ELAPOR2: variants seen among roughly 807,000 people sequenced by gnomAD.
ELAPOR2 encodes endosome-lysosome associated apoptosis and autophagy regulator family member 2, also known as endosome/lysosome-associated apoptosis and autophagy regulator family member 2.
A neutral mutation model predicts 120.7 loss-of-function variants in ELAPOR2; 89 were observed. The observed-to-expected ratio is 0.74, with a 90% CI of 0.62 to 0.88. The LOEUF (loss-of-function observed/expected upper bound fraction) is 0.88, where lower values mean the gene tolerates loss of function less well. ELAPOR2 is among the 40% of genes least tolerant of loss of function. ELAPOR2 has a pLI of 0.00. For synonymous variants in ELAPOR2, 444 were observed against 444.9 expected (o/e 1.00, Z 0.03); for missense variants, 1,134 against 1,251.6 (o/e 0.91, Z 1.42).
intron 1 of ELAPOR2, among the ~76,000 whole-genome samples, chr7:86,990,607 T>C (rs1301061189): frequency 6.6e-6 from 1 of 152,152 alleles, no homozygotes; most frequent in Non-Finnish European, 1.5e-5. Flanking sequence ...AAATGATCCT[T>C]GTAAATCTTA....
Position 86,947,812 on chromosome 7 carries a change from C to T in ELAPOR2, c.421G>A (p.Glu141Lys), listed in dbSNP as rs1791069937. The part of the protein sequence containing the change: ...GSGIKFDEWD[E>K]LPAGFSNIAT... Reference sequence around the variant, plus strand: ...ATGTTAGAAAATCCTGCCGGCAATTCATCCCATTCATCAAATTTGATGCCA... The same window carrying T: ...ATGTTAGAAAATCCTGCCGGCAATTTATCCCATTCATCAAATTTGATGCCA... The change falls in exon 3 of 22, where the codon GAA (glutamate) becomes AAA (lysine). Residue 141 changes from glutamate (E) to lysine (K), a missense_variant. Physicochemically the swap from Glu to Lys is moderately conservative, Grantham distance 56. Around this residue, in one of 3 missense-constraint regions of ELAPOR2, gnomAD observed 280 missense variants for 331.5 expected, o/e 0.84. Transcript: ENST00000450689. 1 of 1,551,832 alleles carries T rather than the reference C, an allele frequency of 6.4e-7. No homozygotes were observed. Among genetic ancestry groups the T allele is most frequent in the Non-Finnish European group, 8.7e-7 (1 of 1,147,052 alleles).
intron 1 of ELAPOR2, among the ~76,000 whole-genome samples, chr7:86,966,786 C>A (rs1791921569): frequency 6.6e-6 from 1 of 152,164 alleles, no homozygotes; most frequent in Non-Finnish European, 1.5e-5. Flanking sequence ...CTCCCTTAGG[C>A]AGCTTGAGGA....
In ELAPOR2 at chr7:86,906,598, T is replaced by C. The variant is rs149203662; in HGVS notation, c.2558+1072A>G. On this transcript the variant is annotated intron_variant, in intron 18 of 21. Coordinates refer to ENST00000450689, the MANE Select transcript of ELAPOR2 (RefSeq NM_001142749.3). ...GGACAGGTTAAAATCTCCCAAGGGT[T>C]ACTGTGAAACTATCAAAAACAAAAT... 6.5e-3 allele frequency among the ~76,000 whole-genome samples: 991 copies of C among 152,266 alleles called. 18 individuals are homozygous for C. The highest frequency in any genetic ancestry group is 0.046 in the South Asian group (221 of 4,830).
intron 10 of ELAPOR2, among the ~76,000 whole-genome samples, chr7:86,922,344 G>A (rs2116194476): frequency 6.6e-6 from 1 of 150,960 alleles, no homozygotes; most frequent in South Asian, 2.1e-4. Context: ...CCATGTTTCT[G>A]TGTATATTTT....
At chr7:87,047,187 C>T (rs1158528938) in intron 1 of ELAPOR2, among the ~76,000 whole-genome samples, 1 of 152,126 alleles carries the variant, frequency 6.6e-6, no homozygotes, top group Non-Finnish European at 1.5e-5. Context: ...AAAATCAAAT[C>T]AAAATGGATT....
At chr7:87,000,303 G>T (rs1163909527) in intron 1 of ELAPOR2, among the ~76,000 whole-genome samples, 1 of 152,048 alleles carries the variant, frequency 6.6e-6, no homozygotes, top group Non-Finnish European at 1.5e-5. Context: ...GCCTTTCCCT[G>T]CTCTCAAACC....
At chr7:87,051,242 A>G (rs774869437) in intron 1 of ELAPOR2, among the ~76,000 whole-genome samples, 5 of 149,522 alleles carry the variant, frequency 3.3e-5, no homozygotes, top group Non-Finnish European at 5.9e-5. Flanking sequence ...AAACTGAGAG[A>G]GATTACAATG....
intron 1 of ELAPOR2, among the ~76,000 whole-genome samples, chr7:87,039,939 GA>G (rs1172832379): frequency 6.6e-6 from 1 of 152,176 alleles, no homozygotes; most frequent in East Asian, 1.9e-4. Flanking sequence ...AAAGCAGGGT[GA>G]GGCATTGCCT....
At chr7:87,057,704 G>C (rs1463922682) in intron 1 of ELAPOR2, among the ~76,000 whole-genome samples, 1 of 152,046 alleles carries the variant, frequency 6.6e-6, no homozygotes, top group Non-Finnish European at 1.5e-5. Context: ...CTTCTTTCTA[G>C]GTATACATGT....
intron 1 of ELAPOR2, among the ~76,000 whole-genome samples, chr7:86,979,772 A>G: frequency 6.6e-6 from 1 of 152,224 alleles, no homozygotes; most frequent in African/African-American, 2.4e-5. Flanking sequence ...GAAAAGAAAC[A>G]TGTCACCCAA....
chr7:86,961,691 C>G (rs941794719), intron 2 of ELAPOR2, among the ~76,000 whole-genome samples: 2 of 152,186 alleles, frequency 1.3e-5, no homozygotes, highest in African/African-American at 4.8e-5. Flanking sequence ...GAGAATGACC[C>G]AACAGTGAAG....
At chr7:86,914,127 G>C (rs1163813060) in intron 13 of ELAPOR2, among the ~76,000 whole-genome samples, 1 of 152,002 alleles carries the variant, frequency 6.6e-6, no homozygotes, top group Non-Finnish European at 1.5e-5. Context: ...TCTCACCTTG[G>C]GAAGGTTACA....
rs3057442 is a variant in ELAPOR2, at chr7:86,924,374, T to TACACACACACACACAC, written c.1399+1138_1399+1153dup. Among the ~76,000 whole-genome samples the TACACACACACACACAC allele has an allele frequency of 9.3e-3, 1,347 of 145,284 alleles. 16 individuals carry two copies. Among genetic ancestry groups the TACACACACACACACAC allele is most frequent in the East Asian group, 0.05 (241 of 4,844 alleles). On this transcript the variant is annotated intron_variant, in intron 10 of 21. Coordinates refer to ENST00000450689, the MANE Select transcript of ELAPOR2 (RefSeq NM_001142749.3). ...CAGGTAATCTTTACTAGTAAGTGAATACACACACACACACACACACACACA... is the reference window on the plus strand; with the variant it reads ...CAGGTAATCTTTACTAGTAAGTGAATACACACACACACACACACACACACACACACACACACACACA...
intron 18 of ELAPOR2, among the ~76,000 whole-genome samples, 182 bp downstream of exon 18, chr7:86,907,488 G>A (rs1007463515): frequency 6.7e-6 from 1 of 150,360 alleles, no homozygotes; most frequent in Non-Finnish European, 1.5e-5. Context: ...TCTTTAGATT[G>A]TACAAGGACC....
chr7:87,056,246 C>A (rs928585673), intron 1 of ELAPOR2, among the ~76,000 whole-genome samples: 1 of 152,136 alleles, frequency 6.6e-6, no homozygotes, highest in Non-Finnish European at 1.5e-5. Context: ...TTATATTTCT[C>A]CTTTATCTTA....
At chr7:86,889,556 G>A (rs1305233009) in intron 21 of ELAPOR2, among the ~76,000 whole-genome samples, 1 of 151,816 alleles carries the variant, frequency 6.6e-6, no homozygotes, top group Non-Finnish European at 1.5e-5. Flanking sequence ...CTAGATAAAG[G>A]GATGATTTAC....
At chr7:86,885,079 G>A (rs1799624641) in intron 21 of ELAPOR2, among the ~76,000 whole-genome samples, 1 of 152,100 alleles carries the variant, frequency 6.6e-6, no homozygotes, top group African/African-American at 2.4e-5. Context: ...TGATCCAAAG[G>A]ACTCTAGATA....
Position 87,043,192 on chromosome 7 carries a change from A to G in ELAPOR2, c.189+16133T>C, listed in dbSNP as rs1236448378. Among the ~76,000 whole-genome samples, 754 of 151,100 alleles carry G rather than the reference A, an allele frequency of 5.0e-3. 5 individuals carry two copies. Among genetic ancestry groups the G allele is most frequent in the African/African-American group, 0.018 (719 of 40,558 alleles). Reference sequence around the variant, plus strand: ...AATTCTACCAGAGGTACAAGGAGGAACTGGTACCATTCCTTCTGAAACTAT... The same window carrying G: ...AATTCTACCAGAGGTACAAGGAGGAGCTGGTACCATTCCTTCTGAAACTAT... On this transcript the variant is annotated intron_variant, in intron 1 of 21. Coordinates refer to ENST00000450689, the MANE Select transcript of ELAPOR2 (RefSeq NM_001142749.3).
intron 1 of ELAPOR2, among the ~76,000 whole-genome samples, chr7:87,025,891 C>T (rs1488899260): frequency 6.6e-6 from 1 of 151,894 alleles, no homozygotes; most frequent in Admixed American, 6.6e-5. Flanking sequence ...AAATGTTTAT[C>T]AAATAGTGTA....
Sources: gnomAD v4.1 joint callset for allele counts (sites outside exome capture counted in the v4.1 genomes callset) on GRCh38, gnomAD v4.1.1 for gene constraint, gnomAD v4.1.1 regional missense constraint, MANE v1.5 for transcripts, NCBI Gene and HGNC (gene_info 2026-07-23, HGNC 2026-07-21) for gene names.